Variants in SETDB1 observed in about 807,000 individuals in gnomAD.
The protein encoded by SETDB1 is histone-lysine N-methyltransferase SETDB1.
SETDB1 carries 31 observed loss-of-function variants against 137.4 expected under a neutral mutation model. The ratio of observed to expected loss-of-function variants is 0.23; its 90% CI spans 0.17 to 0.30. The LOEUF is 0.30. SETDB1 is among the 10% of genes least tolerant of loss of function. The pLI is 1.00. For synonymous variants in SETDB1, 548 were observed against 579.9 expected (o/e 0.95, Z 0.79); for missense variants, 1,113 against 1,631.5 (o/e 0.68, Z 5.47).
chr1:150,942,741 T>G, intron 6 of SETDB1, 53 bp downstream of exon 6: 1 of 1,599,976 alleles, frequency 6.3e-7, no homozygotes, highest in Non-Finnish European at 8.5e-7. Flanking sequence ...CACCCTCCAC[T>G]GCTGATTGTT....
chr1:150,940,081 C>A, intron 4 of SETDB1, 107 bp downstream of exon 4: 1 of 746,476 alleles, frequency 1.3e-6, no homozygotes, highest in Non-Finnish European at 2.3e-6. Context: ...AATCATTCAC[C>A]CTGTGATCAG....
chr1:150,963,295 G>GT, intron 19 of SETDB1, 156 bp downstream of exon 19: 1 of 732,992 alleles, frequency 1.4e-6, no homozygotes, highest in African/African-American at 1.8e-5. Context: ...CTAAACTATT[G>GT]TTTGACACAT....
intron 14 of SETDB1, among the ~76,000 whole-genome samples, chr1:150,953,064 C>T (rs192754695): frequency 1.3e-5 from 2 of 152,246 alleles, no homozygotes; most frequent in Non-Finnish European, 2.9e-5. Flanking sequence ...ATAGAGAAGG[C>T]GGCTCAGGAG....
Position 150,941,407 on chromosome 1 carries a change from A to G in SETDB1, c.526A>G (p.Ser176Gly). 1.2e-6 allele frequency: 2 copies of G among 1,611,050 alleles called. No homozygotes were observed. Among genetic ancestry groups the G allele is most frequent in the Non-Finnish European group, 1.7e-6 (2 of 1,177,170 alleles). Reference sequence around the variant, plus strand: ...CATGGATGCTGTCAACAAGAAGAGCAGTTCCCAGGATCTGCATAAAGGTTA... The same window carrying G: ...CATGGATGCTGTCAACAAGAAGAGCGGTTCCCAGGATCTGCATAAAGGTTA... Reference protein sequence around the residue: ...KFMDAVNKKSSSQDLHKGTLS... With the variant: ...KFMDAVNKKSGSQDLHKGTLS... Residue 176 changes from serine to glycine, a missense_variant, in exon 5 of 22, where the codon AGT becomes GGT. Ser to Gly is a moderately conservative substitution (Grantham distance 56). This residue lies in a region of SETDB1 where 159 missense variants were observed against 188.6 expected (regional missense o/e 0.84). Coordinates refer to ENST00000692827, the MANE Select transcript of SETDB1 (RefSeq NM_001366418.1).
Position 150,962,657 on chromosome 1 carries a change from C to T in SETDB1, c.3232C>T (p.Pro1078Ser). The change falls in exon 18 of 22, where the codon CCT becomes TCT. Residue 1078 changes from proline to serine, a missense_variant. Physicochemically the swap from Pro to Ser is moderately conservative, Grantham distance 74 (BLOSUM62 -1). Coordinates refer to ENST00000692827, the MANE Select transcript of SETDB1 (RefSeq NM_001366418.1). The stretch of plus-strand genomic sequence containing the variant: ...GAAGCCTGAAGGACTTCGCCGCCCA[C>T]CTAGTAAGACTAGTATGCATCAAAG... ...PVKPEGLRRP[P>S]SKTSMHQSRR... The T allele has an allele frequency of 6.2e-7, 1 of 1,613,990 alleles. No individual in the cohort carries two copies. The highest frequency in any genetic ancestry group is 8.5e-7 in the Non-Finnish European group (1 of 1,179,868).
chr1:150,948,449 T>C (rs1035964719), intron 10 of SETDB1, among the ~76,000 whole-genome samples: 2 of 152,010 alleles, frequency 1.3e-5, no homozygotes, highest in Non-Finnish European at 2.9e-5. Context: ...TTTTGTATTG[T>C]TAGTAGAGAC....
chr1:150,962,871 C>T (rs1023958487), intron 18 of SETDB1, 103 bp from the exon 19 acceptor site: 9 of 1,481,374 alleles, frequency 6.1e-6, no homozygotes, highest in Non-Finnish European at 8.3e-6. Flanking sequence ...ATCTAATCTT[C>T]CTCTTGCCAC....
At position 150,946,419 on chromosome 1, in the gene SETDB1, A is replaced by C. The variant is rs587698316; in HGVS notation, c.1141-467A>C. 4.6e-5 allele frequency among the ~76,000 whole-genome samples: 7 copies of C among 151,792 alleles called. No homozygotes were observed. The South Asian group carries it at 1.5e-3, about 32-fold the overall frequency. On this transcript the variant is annotated intron_variant, in intron 9 of 21. Coordinates refer to ENST00000692827, the MANE Select transcript of SETDB1 (RefSeq NM_001366418.1). Reference sequence around the variant, plus strand: ...GTTGTGTTCCTGATACCCATCATGGATCCTGGCACATACTTTATTAAGTAG... The same window carrying C: ...GTTGTGTTCCTGATACCCATCATGGCTCCTGGCACATACTTTATTAAGTAG...
intron 14 of SETDB1, among the ~76,000 whole-genome samples, chr1:150,953,859 ATTT>A (rs1238801679): frequency 6.8e-6 from 1 of 148,124 alleles, no homozygotes; most frequent in African/African-American, 2.5e-5. Context: ...TAAAAAAAAA[ATTT>A]TTTTTTTTTT....
chr1:150,941,704 G>A (rs1269312504), intron 5 of SETDB1, among the ~76,000 whole-genome samples: 1 of 152,058 alleles, frequency 6.6e-6, no homozygotes, highest in East Asian at 1.9e-4. Flanking sequence ...TTACAAAAAG[G>A]TTTGAGGCCA....
At chr1:150,963,267 G>A (rs1670878866) in intron 19 of SETDB1, 128 bp downstream of exon 19, 5 of 877,908 alleles carry the variant, frequency 5.7e-6, no homozygotes, top group East Asian at 2.6e-5. Flanking sequence ...ATCTCTGGGA[G>A]GGCTTTCTGA....
At chr1:150,935,384 T>C (rs1388555444) in intron 3 of SETDB1, among the ~76,000 whole-genome samples, 1 of 152,168 alleles carries the variant, frequency 6.6e-6, no homozygotes, top group Non-Finnish European at 1.5e-5. Context: ...ATTCAAGTTT[T>C]TCACCAAATT....
chr1:150,952,421 A>G (rs587609548), intron 14 of SETDB1, among the ~76,000 whole-genome samples: 12 of 152,318 alleles, frequency 7.9e-5, no homozygotes, highest in African/African-American at 2.9e-4. Context: ...AGGTAGAGCT[A>G]CAGAATTGGA....
At chr1:150,934,307 C>T (rs1437101069) in intron 3 of SETDB1, among the ~76,000 whole-genome samples, 2 of 152,004 alleles carry the variant, frequency 1.3e-5, no homozygotes, top group East Asian at 3.9e-4. Context: ...CCCGTCTCTA[C>T]TAAAAATACA....
rs77366461 is a variant in SETDB1 at position 150,947,950 on chromosome 1, G to C, written c.1267+938G>C. 2.8e-3 allele frequency among the ~76,000 whole-genome samples: 427 copies of C among 152,080 alleles called. 2 individuals carry two copies. Among genetic ancestry groups the C allele is most frequent in the African/African-American group, 9.7e-3 (403 of 41,486 alleles). On this transcript the variant is annotated intron_variant, in intron 10 of 21. Transcript: ENST00000692827. ...TAGGAAGATATAAAGTCTTATCTAAGGCCCAGCATGGTGGCTCGTGTCTGT... is the reference window on the plus strand; with the variant it reads ...TAGGAAGATATAAAGTCTTATCTAACGCCCAGCATGGTGGCTCGTGTCTGT...
chr1:150,929,583 C>T (rs587675256), intron 2 of SETDB1, among the ~76,000 whole-genome samples: 18 of 151,856 alleles, frequency 1.2e-4, no homozygotes, highest in African/African-American at 3.6e-4. Flanking sequence ...TTTACCATGT[C>T]GGCCAGGCTG....
chr1:150,956,747 CTT>C (rs1012951993), intron 14 of SETDB1, among the ~76,000 whole-genome samples: 7 of 144,296 alleles, frequency 4.9e-5, no homozygotes, highest in Admixed American at 7.0e-5. Flanking sequence ...GAAATAATCT[CTT>C]TTTTTTTTTT....
chr1:150,961,583 G>A (rs1670824783), intron 16 of SETDB1: 1 of 235,176 alleles, frequency 4.3e-6, no homozygotes, highest in Non-Finnish European at 8.5e-6. Context: ...TGAACCTGGA[G>A]GGTGGAGGTG....
intron 3 of SETDB1, among the ~76,000 whole-genome samples, chr1:150,933,368 C>CTTT (rs71090112): frequency 0.062 from 7,396 of 118,728 alleles, 988 homozygotes; most frequent in African/African-American, 0.22. Flanking sequence ...CCTATTTTGT[C>CTTT]TTTTTTTTTT....
Sources: allele counts gnomAD v4.1 joint callset (sites outside exome capture counted in the v4.1 genomes callset), GRCh38; gene constraint gnomAD v4.1.1; regional missense constraint gnomAD v4.1.1; transcripts MANE v1.5; gene names NCBI Gene and HGNC (gene_info 2026-07-23, HGNC 2026-07-21).